CLCA1: variants seen among roughly 807,000 people sequenced by gnomAD.
The protein encoded by CLCA1 is calcium-activated chloride channel regulator 1.
Under a neutral mutation model 85.6 loss-of-function variants are expected in CLCA1, and 59 were observed. That is an observed-to-expected ratio of 0.69 (90% CI 0.56 to 0.86). The LOEUF (loss-of-function observed/expected upper bound fraction) is 0.86, where lower values mean the gene tolerates loss of function less well. CLCA1 is among the 40% of genes least tolerant of loss of function. The pLI, the probability that CLCA1 is intolerant of heterozygous loss-of-function variation, is 0.00. For missense variants in CLCA1, 1,022 were observed against 1,101.4 expected (o/e 0.93, Z 1.02); for synonymous variants, 396 against 398.3 (o/e 0.99, Z 0.07).
At chr1:86,493,658 A>G in intron 10 of CLCA1, 59 bp downstream of exon 10, 1 of 1,302,192 alleles carries the variant, frequency 7.7e-7, no homozygotes. Flanking sequence ...AAGTTTTTAC[A>G]GAATAATTGT....
Position 86,500,211 on chromosome 1 carries a change from T to A in CLCA1, c.*166T>A. ...TAGGGGGCGATATACTAAATGTATT[T>A]TAGACTTCCTGTAGGGGGCGATAAA... On this transcript the variant is annotated 3_prime_UTR_variant, in exon 14 of 14. Transcript: ENST00000394711. The A allele has an allele frequency of 1.9e-6, 1 of 540,540 alleles. No individual in the cohort carries two copies. The highest frequency in any genetic ancestry group is 3.2e-5 in the South Asian group (1 of 31,030). 33.5% of individuals were successfully genotyped at this position (540,540 alleles called of 1,614,324 possible).
intron 6 of CLCA1, 47 bp downstream of exon 6, chr1:86,485,608 C>A: frequency 6.5e-7 from 1 of 1,542,546 alleles, no homozygotes; most frequent in Non-Finnish European, 9.0e-7. Context: ...CACAGATATG[C>A]ATGTTCTGGA....
Position 86,489,137 on chromosome 1 carries a change from G to A in CLCA1, c.1324G>A (p.Ala442Thr). 2 of 1,614,050 alleles carry A rather than the reference G, an allele frequency of 1.2e-6. No individual in the cohort carries two copies. The highest frequency in any genetic ancestry group is 1.7e-6 in the Non-Finnish European group (2 of 1,179,986). The change falls in exon 8 of 14, where the codon GCT becomes ACT. Residue 442 changes from alanine to threonine, a missense_variant. Physicochemically the swap from Ala to Thr is moderately conservative, Grantham distance 58 (BLOSUM62 0). Transcript: ENST00000394711. ...CACAGTCGCTTTGGGGCCCTCTGCA[G>A]CTCAAGAACTAGAGGAGCTGTCCAA... ...IHTVALGPSA[A>T]QELEELSKMT...
At chr1:86,479,409 G>A (rs951279301) in intron 4 of CLCA1, among the ~76,000 whole-genome samples, 7 of 151,994 alleles carry the variant, frequency 4.6e-5, no homozygotes, top group Middle Eastern at 3.4e-3. Context: ...AGATATAAAC[G>A]CAAACAAAAT....
intron 7 of CLCA1, among the ~76,000 whole-genome samples, chr1:86,487,263 C>T (rs1648007575): frequency 6.6e-6 from 1 of 152,194 alleles, no homozygotes; most frequent in African/African-American, 2.4e-5. Context: ...CAAGCTTTGA[C>T]TAAGGGAGCA....
chr1:86,474,985 A>C (rs1232268849), intron 3 of CLCA1, among the ~76,000 whole-genome samples: 1 of 152,136 alleles, frequency 6.6e-6, no homozygotes, highest in Non-Finnish European at 1.5e-5. Flanking sequence ...CCCCATCCCC[A>C]AACACACTAG....
Position 86,500,152 on chromosome 1 carries a change from T to C in CLCA1, c.*107T>C. The C allele has an allele frequency of 1.5e-6, 1 of 673,632 alleles. No individual in the cohort carries two copies. Among genetic ancestry groups the C allele is most frequent in the Non-Finnish European group, 2.6e-6 (1 of 391,810 alleles). 41.7% of individuals were successfully genotyped at this position (673,632 alleles called of 1,614,324 possible). On this transcript the variant is annotated 3_prime_UTR_variant, in exon 14 of 14. Transcript: ENST00000394711. ...TTCCTGTAGGGGGCGATATACTAAATGTATATAGTACATTTATACTAAATG... is the reference window on the plus strand; with the variant it reads ...TTCCTGTAGGGGGCGATATACTAAACGTATATAGTACATTTATACTAAATG...
intron 8 of CLCA1, among the ~76,000 whole-genome samples, chr1:86,490,584 G>A (rs5744385): frequency 0.025 from 3,807 of 152,164 alleles, 71 homozygotes; most frequent in Middle Eastern, 0.061. Context: ...AGAGTAAATC[G>A]ATAGTCCTGG....
intron 4 of CLCA1, among the ~76,000 whole-genome samples, chr1:86,477,102 G>A (rs1471997590): frequency 6.6e-6 from 1 of 152,166 alleles, no homozygotes; most frequent in African/African-American, 2.4e-5. Context: ...TAGAGATGGA[G>A]TCTCACCATG....
rs758196276 is a variant in CLCA1 at position 86,486,699 on chromosome 1, T to G, written c.1128T>G (p.Pro376=). 1 of 1,614,222 alleles carries G rather than the reference T, an allele frequency of 6.2e-7. No individual in the cohort carries two copies. Among genetic ancestry groups the G allele is most frequent in the South Asian group, 1.1e-5 (1 of 91,080 alleles). ...SDRDTLAKRL[P]AAASGGTSIC... ...GGGACACACTCGCCAAAAGATTACC[T>G]GCAGCAGCTTCAGGAGGGACGTCCA... is the stretch of plus-strand genomic sequence containing the variant. Residue 376 remains proline (P), a synonymous_variant, in exon 7 of 14, where the codon CCT becomes CCG. Coordinates refer to ENST00000394711, the MANE Select transcript of CLCA1 (RefSeq NM_001285.4).
At chr1:86,493,341 G>C (rs1045389414) in intron 9 of CLCA1, 43 bp from the exon 10 acceptor site, 2 of 1,473,824 alleles carry the variant, frequency 1.4e-6, no homozygotes, top group Admixed American at 3.4e-5. Flanking sequence ...TCATGTGATG[G>C]GAGCTGTATT....
chr1:86,489,271 G>T, intron 8 of CLCA1, 101 bp downstream of exon 8: 1 of 1,157,066 alleles, frequency 8.6e-7, no homozygotes. Flanking sequence ...GAGAGAGATA[G>T]GATAACCTAA....
At chr1:86,492,741 A>G (rs1243747069) in intron 9 of CLCA1, among the ~76,000 whole-genome samples, 1 of 152,198 alleles carries the variant, frequency 6.6e-6, no homozygotes, top group East Asian at 1.9e-4. Flanking sequence ...TATGTCATTT[A>G]TCTCCACAGG....
intron 12 of CLCA1, among the ~76,000 whole-genome samples, chr1:86,497,627 G>A (rs1648327505): frequency 6.6e-6 from 1 of 152,040 alleles, no homozygotes; most frequent in South Asian, 2.1e-4. Flanking sequence ...TCTTTCAAAA[G>A]CACAAAATTT....
Position 86,498,242 on chromosome 1 carries a change from G to T in CLCA1, c.2114-330G>T, listed in dbSNP as rs564415874. Among the ~76,000 whole-genome samples, 21 of 152,006 alleles carry T rather than the reference G, an allele frequency of 1.4e-4. 1 individual carries two copies. The South Asian group carries it at 4.2e-3, about 30-fold the overall frequency. On this transcript the variant is annotated intron_variant, in intron 12 of 13. Coordinates refer to ENST00000394711, the MANE Select transcript of CLCA1 (RefSeq NM_001285.4). Reference sequence around the variant, plus strand: ...ATGTAGTATTTAAACTGACCTTGTGGAAAGACAAGATCAGGATGGGCAAAA... The same window carrying T: ...ATGTAGTATTTAAACTGACCTTGTGTAAAGACAAGATCAGGATGGGCAAAA...
In CLCA1 at chr1:86,494,265, A is replaced by G. The variant is rs910387776; in HGVS notation, c.1759A>G (p.Thr587Ala). Reference sequence around the variant, plus strand: ...TGTCACGTCCCGTGCGTCCAATGCTACCCTGCCTCCAATTACAGTGACTTC... The same window carrying G: ...TGTCACGTCCCGTGCGTCCAATGCTGCCCTGCCTCCAATTACAGTGACTTC... Reference protein sequence around the residue: ...LTVTSRASNATLPPITVTSKT... With the variant: ...LTVTSRASNAALPPITVTSKT... The change falls in exon 11 of 14, where the codon ACC (threonine) becomes GCC (alanine). Residue 587 changes from threonine (T) to alanine (A), a missense_variant. By Grantham distance (58) the Thr-to-Ala change is moderately conservative (BLOSUM62 0). Coordinates refer to ENST00000394711, the MANE Select transcript of CLCA1 (RefSeq NM_001285.4). 11 of 1,614,048 alleles carry G rather than the reference A, an allele frequency of 6.8e-6. No homozygotes were observed. Among genetic ancestry groups the G allele is most frequent in the Non-Finnish European group, 2.5e-6 (3 of 1,180,034 alleles).
intron 3 of CLCA1, among the ~76,000 whole-genome samples, chr1:86,474,521 T>C (rs1259201468): frequency 2.7e-5 from 4 of 147,524 alleles, no homozygotes; most frequent in African/African-American, 1.0e-4. Context: ...GCCACTGCAC[T>C]CCAGCCTGGG....
intron 8 of CLCA1, among the ~76,000 whole-genome samples, chr1:86,489,547 A>G (rs762941254): frequency 1.3e-5 from 2 of 152,252 alleles, no homozygotes; most frequent in Non-Finnish European, 2.9e-5. Context: ...AAAGTACAAT[A>G]AAGCACAAAT....
chr1:86,497,572 A>C (rs1419193594), intron 12 of CLCA1, among the ~76,000 whole-genome samples: 1 of 152,240 alleles, frequency 6.6e-6, no homozygotes, highest in Non-Finnish European at 1.5e-5. Context: ...AATTGGGATC[A>C]CTACAAGAAC....
Sources: allele counts gnomAD v4.1 joint callset (sites outside exome capture counted in the v4.1 genomes callset), GRCh38; gene constraint gnomAD v4.1.1; transcripts MANE v1.5; gene names NCBI Gene and HGNC (gene_info 2026-07-23, HGNC 2026-07-21).